Variants in APBA1 observed in about 807,000 individuals in gnomAD.
APBA1 encodes the protein amyloid-beta A4 precursor protein-binding family A member 1.
APBA1 carries 55 observed loss-of-function variants against 86.6 expected under a neutral mutation model. The observed-to-expected ratio is 0.64, with a 90% CI of 0.51 to 0.80. The LOEUF (loss-of-function observed/expected upper bound fraction) is 0.80. APBA1 is among the 30% of genes least tolerant of loss of function. APBA1 has a pLI of 0.00. For missense variants in APBA1, 1,090 were observed against 1,183.0 expected, an observed-to-expected ratio of 0.92 and a Z score of 1.15; for synonymous variants, 511 against 493.9, an observed-to-expected ratio of 1.03 and a Z score of -0.46.
intron 1 of APBA1, among the ~76,000 whole-genome samples, chr9:69,554,850 G>A (rs1236069255): frequency 6.6e-6 from 1 of 152,034 alleles, no homozygotes; most frequent in African/African-American, 2.4e-5. Context: ...TTTTATGAGA[G>A]CTTTTTCTAT....
intron 1 of APBA1, among the ~76,000 whole-genome samples, chr9:69,658,300 C>CTTTT (rs1564104986): frequency 1.2e-4 from 7 of 56,082 alleles, no homozygotes; most frequent in Middle Eastern, 8.6e-3. Flanking sequence ...CTCTTTCTCT[C>CTTTT]TCTCTCTTTC....
At position 69,431,393 on chromosome 9, in the gene APBA1, A is replaced by G. The variant is rs767429447; in HGVS notation, c.2448T>C (p.His816=). Residue 816 remains histidine (H), a synonymous_variant, in exon 13 of 13, where the codon CAT becomes CAC. Transcript: ENST00000265381. ...ACATCGCGGCTGGCATTGTCTTCATATGAATCTGAGGGTAAAGAACACACT... is the reference window on the plus strand; with the variant it reads ...ACATCGCGGCTGGCATTGTCTTCATGTGAATCTGAGGGTAAAGAACACACT... The part of the protein sequence containing the change: ...HILSNAVGEI[H]MKTMPAAMYR... 1 of 1,613,064 alleles carries G rather than the reference A, an allele frequency of 6.2e-7. No homozygotes were observed. Among genetic ancestry groups the G allele is most frequent in the Admixed American group, 1.7e-5 (1 of 59,876 alleles).
chr9:69,538,427 T>C (rs1293832928), intron 1 of APBA1, among the ~76,000 whole-genome samples: 2 of 152,150 alleles, frequency 1.3e-5, no homozygotes, highest in Non-Finnish European at 2.9e-5. Context: ...GCATCCCAAA[T>C]CCATGGAACT....
At chr9:69,536,374 T>C (rs1836510323) in intron 1 of APBA1, among the ~76,000 whole-genome samples, 1 of 151,904 alleles carries the variant, frequency 6.6e-6, no homozygotes, top group African/African-American at 2.4e-5. Flanking sequence ...TTGAGAGGAT[T>C]AAAGACATGA....
upstream of APBA1, chr9:69,672,770 G>C (rs762256749): frequency 6.6e-6 from 1 of 152,472 alleles, no homozygotes; most frequent in Non-Finnish European, 1.5e-5. Flanking sequence ...CTGCATCCCC[G>C]AGGGGACTGA....
chr9:69,642,038 G>T (rs1164999517), intron 1 of APBA1, among the ~76,000 whole-genome samples: 3 of 152,138 alleles, frequency 2.0e-5, no homozygotes, highest in Non-Finnish European at 2.9e-5. Context: ...TAGAGATGGG[G>T]TTTCACCATG....
At chr9:69,670,962 G>A (rs1179600665) in intron 1 of APBA1, among the ~76,000 whole-genome samples, 1 of 152,130 alleles carries the variant, frequency 6.6e-6, no homozygotes, top group East Asian at 1.9e-4. Context: ...CTGGCTGTGT[G>A]ATGCTGACCA....
At chr9:69,470,935 G>A (rs146181440) in intron 4 of APBA1, among the ~76,000 whole-genome samples, 473 of 152,262 alleles carry the variant, frequency 3.1e-3, no homozygotes, top group South Asian at 6.8e-3. Flanking sequence ...CCCTTGTGCA[G>A]TGAGTAACCT....
chr9:69,472,657 T>C (rs1213771959), intron 3 of APBA1: 1 of 152,216 alleles, frequency 6.6e-6, no homozygotes, highest in Non-Finnish European at 1.5e-5. Flanking sequence ...ATTATTTAAA[T>C]GCATGACTTT....
At chr9:69,575,026 C>T (rs1301827737) in intron 1 of APBA1, among the ~76,000 whole-genome samples, 1 of 152,142 alleles carries the variant, frequency 6.6e-6, no homozygotes, top group African/African-American at 2.4e-5. Flanking sequence ...AAGTGATCCT[C>T]CCACCTCAGC....
intron 1 of APBA1, among the ~76,000 whole-genome samples, chr9:69,576,062 C>T (rs776804285): frequency 3.9e-5 from 6 of 152,192 alleles, no homozygotes; most frequent in Non-Finnish European, 8.8e-5. Flanking sequence ...TGAACAGACA[C>T]TTCTCAAAAG....
intron 1 of APBA1, among the ~76,000 whole-genome samples, chr9:69,540,076 C>T (rs1407223712): frequency 5.3e-5 from 8 of 151,950 alleles, no homozygotes; most frequent in Non-Finnish European, 8.8e-5. Context: ...GCTGAGATCA[C>T]GCCATTGCAT....
intron 10 of APBA1, among the ~76,000 whole-genome samples, chr9:69,447,625 T>C (rs1834931810): frequency 6.6e-6 from 1 of 152,118 alleles, no homozygotes. Context: ...GGCCTAGCAT[T>C]TCACCTGACA....
At chr9:69,530,109 G>A (rs940096718) in intron 1 of APBA1, among the ~76,000 whole-genome samples, 7 of 151,770 alleles carry the variant, frequency 4.6e-5, no homozygotes, top group Non-Finnish European at 8.8e-5. Flanking sequence ...AGTTCTCAAA[G>A]AACTAAAAAT....
intron 1 of APBA1, among the ~76,000 whole-genome samples, chr9:69,610,608 T>C (rs1378099205): frequency 6.6e-6 from 1 of 152,296 alleles, no homozygotes; most frequent in Non-Finnish European, 1.5e-5. Context: ...TGCTTTTTTC[T>C]GAACATCTCT....
intron 1 of APBA1, among the ~76,000 whole-genome samples, chr9:69,545,354 T>C (rs1408029904): frequency 1.3e-5 from 2 of 152,188 alleles, no homozygotes; most frequent in Non-Finnish European, 2.9e-5. Context: ...TTCCAGTCCC[T>C]CATATGGCCA....
intron 1 of APBA1, among the ~76,000 whole-genome samples, chr9:69,657,313 T>C (rs76062010): frequency 0.03 from 4,615 of 152,334 alleles, 95 homozygotes; most frequent in Non-Finnish European, 0.047. Flanking sequence ...TAGAAGGCAG[T>C]GGATTTTGCT....
At chr9:69,497,976 G>A (rs140615373) in intron 2 of APBA1, among the ~76,000 whole-genome samples, 4 of 152,100 alleles carry the variant, frequency 2.6e-5, no homozygotes, top group Non-Finnish European at 4.4e-5. Context: ...GGCATGGAAC[G>A]ATGACAGATA....
chr9:69,610,075 T>C (rs1464105511), intron 1 of APBA1, among the ~76,000 whole-genome samples: 4 of 152,122 alleles, frequency 2.6e-5, no homozygotes, highest in Non-Finnish European at 5.9e-5. Flanking sequence ...TCCAGCACTT[T>C]GGGAGGCCAA....
Sources: allele counts gnomAD v4.1 joint callset (sites outside exome capture counted in the v4.1 genomes callset), GRCh38; gene constraint gnomAD v4.1.1; transcripts MANE v1.5; gene names NCBI Gene and HGNC (gene_info 2026-07-23, HGNC 2026-07-21).